The following SERPINA12 variants were observed in gnomAD, a reference collection of about 807,000 sequenced individuals.
The protein encoded by SERPINA12 is serpin A12.
Under a neutral mutation model 25.9 loss-of-function variants are expected in SERPINA12, and 21 were observed. That is an observed-to-expected ratio of 0.81 (90% CI 0.58 to 1.17). The LOEUF is 1.17. Among genes scored for constraint, SERPINA12 ranks in the 50% most tolerant of loss-of-function variants. The pLI, the probability that SERPINA12 is intolerant of heterozygous loss-of-function variation, is 0.00. For missense variants in SERPINA12, 562 were observed against 508.3 expected (o/e 1.11, Z -1.02); for synonymous variants, 220 against 196.0 (o/e 1.12, Z -1.02).
chr14:94,496,681 AGGG>A (rs1241183959), intron 2 of SERPINA12, 38 bp from the exon 3 acceptor site: 2 of 1,589,618 alleles, frequency 1.3e-6, no homozygotes, highest in Admixed American at 1.7e-5. Context: ...TGTTATCCCA[AGGG>A]AAAAAAGGTG....
At chr14:94,496,253 G>T (rs1279809226) in intron 3 of SERPINA12, 120 bp downstream of exon 3, 13 of 941,118 alleles carry the variant, frequency 1.4e-5, no homozygotes, top group Non-Finnish European at 2.1e-5. Flanking sequence ...TTCTCACCAT[G>T]ATATAAGTTT....
rs1285811651 is a variant in SERPINA12, at chr14:94,498,270, A to G, written c.128T>C (p.Met43Thr). ...LSEVQGWKQR[M>T]AAKELARQNM... ...CTGCCTTGCAAGCTCCTTGGCTGCC[A>G]TCCTTTGCTTCCATCCTTGGACCTC... Residue 43 changes from methionine to threonine, a missense_variant, in exon 2 of 5, where the codon ATG (methionine) becomes ACG (threonine). Transcript: ENST00000677451. The G allele has an allele frequency of 2.5e-6, 4 of 1,614,104 alleles. No homozygotes were observed. The highest frequency in any genetic ancestry group is 3.4e-6 in the Non-Finnish European group (4 of 1,180,046).
chr14:94,498,081 T>C lies in SERPINA12; in HGVS notation c.317A>G (p.Lys106Arg), dbSNP rs1332485441. ...DEIKQGFNFR[K>R]MPEKDLHEGF... ...CTCATGAAGATCTTTTTCTGGCATC[T>C]TTCTGAAGTTGAACCCCTGCTTGAT... Residue 106 changes from lysine (K) to arginine (R), a missense_variant, in exon 2 of 5, where the codon AAG becomes AGG. By Grantham distance (26) the Lys-to-Arg change is conservative (BLOSUM62 2). Transcript: ENST00000677451. 1 of 1,614,066 alleles carries C rather than the reference T, an allele frequency of 6.2e-7. No homozygotes were observed. Among genetic ancestry groups the C allele is most frequent in the Non-Finnish European group, 8.5e-7 (1 of 1,180,042 alleles).
intron 1 of SERPINA12, among the ~76,000 whole-genome samples, chr14:94,505,732 C>G (rs1481823642): frequency 6.6e-6 from 1 of 152,208 alleles, no homozygotes; most frequent in South Asian, 2.1e-4. Context: ...CCCAGACACT[C>G]TCTGCTCCAG....
chr14:94,489,806 T>C (rs1281059417), intron 3 of SERPINA12, 39 bp from the exon 4 acceptor site: 1 of 1,603,298 alleles, frequency 6.2e-7, no homozygotes, highest in African/African-American at 1.3e-5. Context: ...GGTCAAGTCC[T>C]GTTGTGTTGC....
intron 1 of SERPINA12, among the ~76,000 whole-genome samples, chr14:94,500,234 G>T (rs1038618937): frequency 1.3e-5 from 2 of 152,306 alleles, no homozygotes; most frequent in African/African-American, 4.8e-5. Context: ...AGTGAATACT[G>T]CTCATTGCTC....
Position 94,489,706 on chromosome 14 carries a change from G to A in SERPINA12, c.967C>T (p.Leu323Phe). ...MTGTFDLKKT[L>F]SYIGVSKIFE... ...ATTTTGGAGACACCTATGTAGGAGA[G>A]AGTCTTCTTCAGGTCGAAGGTGCCC... is the stretch of plus-strand genomic sequence containing the variant. The change falls in exon 4 of 5, where the codon CTC becomes TTC. Residue 323 changes from leucine (L) to phenylalanine (F), a missense_variant. Leu to Phe is a conservative substitution (Grantham distance 22). Transcript: ENST00000677451. 6.2e-7 allele frequency: 1 copy of A among 1,614,206 alleles called. No homozygotes were observed. Among genetic ancestry groups the A allele is most frequent in the Non-Finnish European group, 8.5e-7 (1 of 1,180,020 alleles).
rs143642855 is a variant in SERPINA12, at chr14:94,509,236, C to G, written c.-34+106G>C. 2.3e-3 allele frequency among the ~76,000 whole-genome samples: 352 copies of G among 151,608 alleles called. 1 individual carries two copies. The highest frequency in any genetic ancestry group is 4.4e-3 in the Non-Finnish European group (300 of 67,892). ...CAGAATGTCTGTCTATTTGAGTGAT[C>G]ACCTTGGCCCTTGGTTGTCTTCTCT... On this transcript the variant is annotated intron_variant, in intron 1 of 4. Coordinates refer to ENST00000677451, the MANE Select transcript of SERPINA12 (RefSeq NM_001382267.1).
chr14:94,510,192 C>T (rs1901072801), upstream of SERPINA12: 1 of 985,410 alleles, frequency 1.0e-6, no homozygotes. Context: ...TGCATTGGAT[C>T]TGTGGTTGCC....
intron 1 of SERPINA12, among the ~76,000 whole-genome samples, chr14:94,502,130 A>G (rs892192614): frequency 3.9e-5 from 6 of 152,196 alleles, no homozygotes; most frequent in African/African-American, 1.4e-4. Flanking sequence ...AAAAAAGAAC[A>G]AGATAGAAAC....
At chr14:94,502,568 A>G (rs924895319) in intron 1 of SERPINA12, among the ~76,000 whole-genome samples, 2 of 152,254 alleles carry the variant, frequency 1.3e-5, no homozygotes, top group African/African-American at 4.8e-5. Context: ...AGGTCTACTC[A>G]GTGCACAGTG....
chr14:94,489,783 G>C lies in SERPINA12; in HGVS notation c.906-16C>G. The C allele has an allele frequency of 6.2e-7, 1 of 1,612,586 alleles. No individual in the cohort carries two copies. The highest frequency in any genetic ancestry group is 8.5e-7 in the Non-Finnish European group (1 of 1,178,984). ...GTCTACGACCCTGGGGAATTGACAC[G>C]ACAAGGGTGAGTGGTCAAGTCCTGT... On this transcript the variant is annotated splice_polypyrimidine_tract_variant and intron_variant, in intron 3 of 4. Transcript: ENST00000677451.
intron 3 of SERPINA12, among the ~76,000 whole-genome samples, chr14:94,490,666 C>G (rs1231060017): frequency 6.6e-6 from 1 of 152,056 alleles, no homozygotes; most frequent in Non-Finnish European, 1.5e-5. Context: ...TCTTTTCTTC[C>G]TTTTATAGCA....
chr14:94,500,871 G>T (rs1221402253), intron 1 of SERPINA12: 1 of 985,170 alleles, frequency 1.0e-6, no homozygotes, highest in Non-Finnish European at 1.2e-6. Flanking sequence ...ACAAATACGG[G>T]CAGATACATA....
upstream of SERPINA12, among the ~76,000 whole-genome samples, chr14:94,513,469 G>C (rs1169851273): frequency 6.6e-6 from 1 of 152,162 alleles, no homozygotes; most frequent in African/African-American, 2.4e-5. Context: ...CTGGATTCAG[G>C]CTCCATGGCT....
upstream of SERPINA12, chr14:94,511,889 G>A (rs1201566600): frequency 4.8e-5 from 9 of 189,108 alleles, no homozygotes; most frequent in Non-Finnish European, 8.8e-5. Context: ...CTTGAGGTCA[G>A]GAGTTTGAGA....
upstream of SERPINA12, chr14:94,511,453 A>T (rs560897315): frequency 6.1e-6 from 6 of 985,424 alleles, no homozygotes; most frequent in South Asian, 2.3e-4. Flanking sequence ...TAGTGCAGAA[A>T]CTTTGGGAGA....
At chr14:94,500,572 A>G (rs983583553) in intron 1 of SERPINA12, among the ~76,000 whole-genome samples, 2 of 152,090 alleles carry the variant, frequency 1.3e-5, no homozygotes, top group African/African-American at 4.8e-5. Context: ...AAGGGGTGCA[A>G]TGAGGGAGGA....
chr14:94,487,992 G>A (rs1345113479), intron 4 of SERPINA12, among the ~76,000 whole-genome samples: 1 of 152,192 alleles, frequency 6.6e-6, no homozygotes, highest in Admixed American at 6.5e-5. Flanking sequence ...CAGGTGATCA[G>A]TACTGGGAAA....
Sources: allele counts gnomAD v4.1 joint callset (sites outside exome capture counted in the v4.1 genomes callset), GRCh38; gene constraint gnomAD v4.1.1; transcripts MANE v1.5; gene names NCBI Gene and HGNC (gene_info 2026-07-23, HGNC 2026-07-21).